SPIN1: variants seen among roughly 807,000 people sequenced by gnomAD.
The protein encoded by SPIN1 is spindlin-1.
In SPIN1, 3 loss-of-function variants were observed where a neutral mutation model predicts 26.0. The observed-to-expected ratio is 0.12, with a 90% CI of 0.05 to 0.30. The LOEUF is 0.30. Ranked by LOEUF, SPIN1 falls within the 10% of genes least tolerant of loss-of-function variation. The probability of loss-of-function intolerance (pLI) is 1.00; values close to 1 mark genes in which losing one functional copy is unlikely to be tolerated. For synonymous variants in SPIN1, 101 were observed against 116.5 expected, an observed-to-expected ratio of 0.87 and a Z score of 0.86; for missense variants, 126 against 333.4, an observed-to-expected ratio of 0.38 and a Z score of 4.84.
At chr9:88,401,016 A>G (rs1004032286) in intron 1 of SPIN1, among the ~76,000 whole-genome samples, 1 of 152,170 alleles carries the variant, frequency 6.6e-6, no homozygotes, top group African/African-American at 2.4e-5. Context: ...CTAATAAAAT[A>G]TTAGTTCATA....
intron 1 of SPIN1, among the ~76,000 whole-genome samples, chr9:88,390,827 T>G (rs1826904656): frequency 6.6e-6 from 1 of 152,206 alleles, no homozygotes; most frequent in Non-Finnish European, 1.5e-5. Flanking sequence ...CATAACTGAT[T>G]CATCATGCAG....
chr9:88,396,164 G>C (rs982951176), intron 1 of SPIN1, among the ~76,000 whole-genome samples: 1 of 151,938 alleles, frequency 6.6e-6, no homozygotes, highest in African/African-American at 2.4e-5. Context: ...ACTTGAACTT[G>C]GGAGGTGGAG....
intron 1 of SPIN1, among the ~76,000 whole-genome samples, chr9:88,394,207 A>G (rs576706639): frequency 1.6e-4 from 25 of 152,306 alleles, no homozygotes; most frequent in African/African-American, 6.0e-4. Flanking sequence ...CAACTTGGAC[A>G]TGTTGAGGTC....
At chr9:88,445,324 T>G (rs1033150159) in intron 2 of SPIN1, among the ~76,000 whole-genome samples, 1 of 152,066 alleles carries the variant, frequency 6.6e-6, no homozygotes, top group Admixed American at 6.6e-5. Flanking sequence ...CTTCACTATT[T>G]GAGGCCATCA....
At chr9:88,391,713 A>G (rs929496849) in intron 1 of SPIN1, 3 of 152,122 alleles carry the variant, frequency 2.0e-5, no homozygotes, top group Admixed American at 1.3e-4. Context: ...ACGCTACTGA[A>G]GTTCTTTATT....
intron 3 of SPIN1, among the ~76,000 whole-genome samples, chr9:88,458,967 C>T (rs1047514267): frequency 6.6e-6 from 1 of 152,206 alleles, no homozygotes; most frequent in East Asian, 1.9e-4. Context: ...ACAGAGACAT[C>T]TAGAGTGGTG....
chr9:88,450,762 C>T (rs1168616229), intron 3 of SPIN1, among the ~76,000 whole-genome samples: 4 of 152,194 alleles, frequency 2.6e-5, no homozygotes, highest in African/African-American at 9.6e-5. Flanking sequence ...AGTTGTGAGT[C>T]CCATTTTCCT....
intron 1 of SPIN1, among the ~76,000 whole-genome samples, chr9:88,396,786 C>T (rs1827070392): frequency 6.6e-6 from 1 of 152,050 alleles, no homozygotes; most frequent in Non-Finnish European, 1.5e-5. Flanking sequence ...CTATATGGGA[C>T]AACCTACTAG....
intron 2 of SPIN1, among the ~76,000 whole-genome samples, chr9:88,437,351 A>T (rs1055563883): frequency 1.3e-5 from 2 of 151,850 alleles, no homozygotes; most frequent in Admixed American, 1.3e-4. Flanking sequence ...TACAAAAAGT[A>T]GTGGAGCGTG....
chr9:88,417,033 ATTATTGAACCAT>A (rs1439578752), intron 1 of SPIN1, among the ~76,000 whole-genome samples: 1 of 152,228 alleles, frequency 6.6e-6, no homozygotes, highest in African/African-American at 2.4e-5. Flanking sequence ...ACTGTTTTTT[ATTATTGAACCAT>A]TTGAAAGTTG....
intron 1 of SPIN1, among the ~76,000 whole-genome samples, chr9:88,424,156 G>C (rs1827722163): frequency 1.3e-5 from 2 of 152,258 alleles, no homozygotes; most frequent in South Asian, 4.1e-4. Context: ...CAAGTGACAG[G>C]GTTGAATGTG....
chr9:88,425,588 T>C (rs1235941840), intron 1 of SPIN1, among the ~76,000 whole-genome samples: 1 of 151,770 alleles, frequency 6.6e-6, no homozygotes. Context: ...TGAGGCAGAA[T>C]TGCTTGAACC....
intron 1 of SPIN1, among the ~76,000 whole-genome samples, chr9:88,409,851 A>G (rs1827399351): frequency 3.3e-5 from 5 of 152,110 alleles, no homozygotes; most frequent in Admixed American, 2.0e-4. Flanking sequence ...AAAAAAAAAA[A>G]AGAAATTGAG....
At chr9:88,454,932 A>G (rs1398702110) in intron 3 of SPIN1, among the ~76,000 whole-genome samples, 2 of 152,180 alleles carry the variant, frequency 1.3e-5, no homozygotes, top group Non-Finnish European at 1.5e-5. Context: ...CTTGAGGGGA[A>G]AATTACCGTT....
chr9:88,401,056 T>C (rs566670265), intron 1 of SPIN1, among the ~76,000 whole-genome samples: 1 of 152,236 alleles, frequency 6.6e-6, no homozygotes, highest in Non-Finnish European at 1.5e-5. Context: ...GCATAGCCCT[T>C]AAATAACTTG....
At chr9:88,465,789 ATATAAG>A (rs1289118393) in intron 4 of SPIN1, among the ~76,000 whole-genome samples, 3 of 152,224 alleles carry the variant, frequency 2.0e-5, no homozygotes, top group African/African-American at 4.8e-5. Context: ...CTGTGGTTTC[ATATAAG>A]TATATCTAGA....
intron 1 of SPIN1, among the ~76,000 whole-genome samples, chr9:88,407,763 CTCTT>C (rs1264512763): frequency 1.4e-5 from 2 of 146,320 alleles, no homozygotes; most frequent in Admixed American, 6.7e-5. Context: ...GAATCTCTCT[CTCTT>C]TTTTTTTTTT....
intron 2 of SPIN1, among the ~76,000 whole-genome samples, chr9:88,443,212 A>G (rs957571552): frequency 1.3e-5 from 2 of 151,244 alleles, no homozygotes; most frequent in African/African-American, 4.9e-5. Flanking sequence ...CATAATGTGT[A>G]AGTTATGCCT....
At chr9:88,465,560 C>CT (rs1173002732) in intron 4 of SPIN1, among the ~76,000 whole-genome samples, 1 of 152,134 alleles carries the variant, frequency 6.6e-6, no homozygotes, top group Non-Finnish European at 1.5e-5. Flanking sequence ...TATTGAGCAT[C>CT]TTTTTATGTG....
Sources: gnomAD v4.1 joint callset for allele counts (sites outside exome capture counted in the v4.1 genomes callset) on GRCh38, gnomAD v4.1.1 for gene constraint, MANE v1.5 for transcripts, NCBI Gene and HGNC (gene_info 2026-07-23, HGNC 2026-07-21) for gene names.